DLGAP3: variants seen among roughly 807,000 people sequenced by gnomAD.
DLGAP3 encodes the protein DLG associated protein 3.
DLGAP3 carries 17 observed loss-of-function variants against 81.2 expected under a neutral mutation model. That is an observed-to-expected ratio of 0.21 (90% CI 0.14 to 0.31). The LOEUF (loss-of-function observed/expected upper bound fraction) is 0.31, where lower values mean the gene tolerates loss of function less well. Ranked by LOEUF, DLGAP3 falls within the 10% of genes least tolerant of loss-of-function variation. The pLI is 1.00. For synonymous variants in DLGAP3, 577 were observed against 587.4 expected (o/e 0.98, Z 0.26); for missense variants, 1,124 against 1,388.0 (o/e 0.81, Z 3.02).
chr1:34,885,888 G>A (rs1639218657), intron 6 of DLGAP3, 97 bp from the exon 7 acceptor site: 1 of 1,196,230 alleles, frequency 8.4e-7, no homozygotes, highest in East Asian at 2.6e-5. Context: ...AGGCCCTACG[G>A]GACCCTGCAG....
rs925342401 is a variant in DLGAP3, at chr1:34,904,212, G to C, written c.1107+65C>G. The C allele has an allele frequency of 1.9e-6, 3 of 1,587,604 alleles. No homozygotes were observed. The Admixed American group carries it at 5.0e-5, about 26-fold the overall frequency. ...TGGCTCCCACCCAACCCTTTCCACT[G>C]CTCCCTAGTTGACAAGACTGGTGAA... is the stretch of plus-strand genomic sequence containing the variant. On this transcript the variant is annotated intron_variant, in intron 3 of 11. Coordinates refer to ENST00000373347, the MANE Select transcript of DLGAP3 (RefSeq NM_001080418.3). This position sits in a 1 kb window ranked among gnomAD's most constrained non-coding sequence, Gnocchi z 8.1.
intron 5 of DLGAP3, among the ~76,000 whole-genome samples, chr1:34,887,015 C>T (rs576801063): frequency 7.9e-6 from 1 of 126,062 alleles, no homozygotes; most frequent in African/African-American, 3.1e-5. Context: ...AGTGCAGTGG[C>T]GCGATCTCGG....
rs1639006434 is a variant in DLGAP3, at chr1:34,873,329, T to G, written c.2001-4240A>C. Among the ~76,000 whole-genome samples the G allele has an allele frequency of 6.6e-6, 1 of 152,062 alleles. No individual in the cohort carries two copies. The highest frequency in any genetic ancestry group is 2.4e-5 in the African/African-American group (1 of 41,386). ...GGGGTGGTTATCTGCTGGAGATGTCTGGGGAGTAGGGGAAGGAATGAAAAT... is the reference window on the plus strand; with the variant it reads ...GGGGTGGTTATCTGCTGGAGATGTCGGGGGAGTAGGGGAAGGAATGAAAAT... On this transcript the variant is annotated intron_variant, in intron 8 of 11. Transcript: ENST00000373347. This position sits in a 1 kb window ranked among gnomAD's most constrained non-coding sequence, Gnocchi z 4.2.
rs1557485330 is a variant in DLGAP3, at chr1:34,900,703, C to T, written c.1108-430G>A. ...GTGGGGAGCCACAGAGGGCTTCATG[C>T]AGGGGAGTGACATCAGATTTGTGTT... On this transcript the variant is annotated intron_variant, in intron 3 of 11. Coordinates refer to ENST00000373347, the MANE Select transcript of DLGAP3 (RefSeq NM_001080418.3). This position sits in a 1 kb window ranked among gnomAD's most constrained non-coding sequence, Gnocchi z 5.6. 6.6e-6 allele frequency among the ~76,000 whole-genome samples: 1 copy of T among 152,214 alleles called. No individual in the cohort carries two copies. Among genetic ancestry groups the T allele is most frequent in the Non-Finnish European group, 1.5e-5 (1 of 68,048 alleles).
Position 34,929,388 on chromosome 1 carries a change from C to T in DLGAP3, c.-135+63G>A, listed in dbSNP as rs1639922240. The T allele has an allele frequency of 6.7e-6, 1 of 148,400 alleles. No individual in the cohort carries two copies. The highest frequency in any genetic ancestry group is 6.7e-5 in the Admixed American group (1 of 14,944). The allele number at this position is 148,400 out of a possible 1,614,324, so 9.2% of individuals were successfully genotyped here. ...CGCCGGGGCCGCAGCCGGGCCGTGC[C>T]TGGGGGGCGCTGCAGAGGGAGCCGC... On this transcript the variant is annotated intron_variant, in intron 1 of 11. Coordinates refer to ENST00000373347, the MANE Select transcript of DLGAP3 (RefSeq NM_001080418.3). The surrounding 1 kb of genome is among the most constrained non-coding windows in gnomAD (Gnocchi z 6.5).
chr1:34,869,387 T>C (rs913205808), intron 8 of DLGAP3, among the ~76,000 whole-genome samples: 3 of 150,498 alleles, frequency 2.0e-5, no homozygotes, highest in Non-Finnish European at 4.4e-5. Context: ...GCTGCAGCAG[T>C]GCCCTGGAGA....
At position 34,866,054 on chromosome 1, in the gene DLGAP3, C is replaced by CCCGGG; in HGVS notation, c.*24_*28dup. Reference sequence around the variant, plus strand: ...TACAGTACGGGTGGAGAACCGCGGGCCCGGGCCGGGCTGGGCGGGCCGGAC... The same window carrying CCCGGG: ...TACAGTACGGGTGGAGAACCGCGGGCCCGGGCCGGGCCGGGCTGGGCGGGCCGGAC... On this transcript the variant is annotated 3_prime_UTR_variant, in exon 12 of 12. Transcript: ENST00000373347. The CCCGGG allele has an allele frequency of 6.4e-7, 1 of 1,570,208 alleles. No individual in the cohort carries two copies. The highest frequency in any genetic ancestry group is 8.6e-7 in the Non-Finnish European group (1 of 1,160,528).
At chr1:34,899,520 C>T (rs2148409189) in intron 5 of DLGAP3, 149 bp downstream of exon 5, 2 of 768,354 alleles carry the variant, frequency 2.6e-6, no homozygotes, top group Non-Finnish European at 4.7e-6. Flanking sequence ...GAGTCAGCTC[C>T]AGGAGTCCTA....
intron 1 of DLGAP3, among the ~76,000 whole-genome samples, chr1:34,916,736 G>A (rs930062487): frequency 7.3e-5 from 11 of 150,384 alleles, no homozygotes; most frequent in Non-Finnish European, 1.0e-4. Flanking sequence ...TCGCTCTGTC[G>A]CCAGGCTGGA....
intron 1 of DLGAP3, among the ~76,000 whole-genome samples, chr1:34,913,223 C>CT (rs1369188576): frequency 1.3e-5 from 2 of 152,180 alleles, no homozygotes; most frequent in African/African-American, 4.8e-5. Context: ...TTCCTAGGGG[C>CT]TTAGGGCAGA....
chr1:34,872,849 T>C (rs1254078181), intron 8 of DLGAP3, among the ~76,000 whole-genome samples: 1 of 152,112 alleles, frequency 6.6e-6, no homozygotes, highest in African/African-American at 2.4e-5. Context: ...TCCCAGAGCC[T>C]CCCAGAGCCC....
At chr1:34,910,605 G>T (rs1033649028) in intron 1 of DLGAP3, among the ~76,000 whole-genome samples, 2 of 152,100 alleles carry the variant, frequency 1.3e-5, no homozygotes, top group African/African-American at 4.8e-5. Flanking sequence ...ACATCACGGG[G>T]CCTATTCCCC....
chr1:34,927,305 T>C (rs1007864345), intron 1 of DLGAP3, among the ~76,000 whole-genome samples: 3 of 152,178 alleles, frequency 2.0e-5, no homozygotes, highest in Non-Finnish European at 4.4e-5. Flanking sequence ...GATTGCAAAG[T>C]TCCTCGTCTA....
In DLGAP3 at chr1:34,885,571, C is replaced by T; in HGVS notation, c.1821G>A (p.Lys607=). ...TGGTCTTGATGATGAGTGTGGGGGG[C>T]TTGGGGCTGGCCCGGGGCGGCACCG... The part of the protein sequence containing the change: ...LAPVPPRASP[K]PPTLIIKTIP... The change falls in exon 7 of 12, where the codon AAG becomes AAA. Residue 607 remains lysine, a synonymous_variant. Transcript: ENST00000373347. 1 of 1,605,362 alleles carries T rather than the reference C, an allele frequency of 6.2e-7. No individual in the cohort carries two copies. Among genetic ancestry groups the T allele is most frequent in the South Asian group, 1.1e-5 (1 of 90,706 alleles).
chr1:34,927,573 C>G (rs59874150), intron 1 of DLGAP3, among the ~76,000 whole-genome samples: 23 of 152,210 alleles, frequency 1.5e-4, no homozygotes, highest in African/African-American at 5.3e-4. Context: ...TATGTGAGGC[C>G]GTTCATCCTA....
chr1:34,872,622 A>C (rs2148394545), intron 8 of DLGAP3, among the ~76,000 whole-genome samples: 1 of 152,342 alleles, frequency 6.6e-6, no homozygotes, highest in East Asian at 1.9e-4. Context: ...TACTAAGAAG[A>C]GGAGACTCTC....
intron 3 of DLGAP3, among the ~76,000 whole-genome samples, chr1:34,903,295 T>A (rs140866156): frequency 3.2e-3 from 488 of 152,320 alleles, no homozygotes; most frequent in African/African-American, 0.011. Context: ...CTCATCACAC[T>A]GTATTCTATC....
intron 8 of DLGAP3, among the ~76,000 whole-genome samples, chr1:34,875,954 C>A (rs543413677): frequency 6.6e-6 from 1 of 152,394 alleles, no homozygotes; most frequent in Non-Finnish European, 1.5e-5. Context: ...TCTACACTGT[C>A]ATGGCTCACA....
At chr1:34,927,971 T>C (rs985559391) in intron 1 of DLGAP3, among the ~76,000 whole-genome samples, 1 of 152,196 alleles carries the variant, frequency 6.6e-6, no homozygotes, top group Non-Finnish European at 1.5e-5. Context: ...CGGCATTATA[T>C]TTGGTTGAAC....
Sources: gnomAD v4.1 joint callset for allele counts (sites outside exome capture counted in the v4.1 genomes callset) on GRCh38, gnomAD v4.1.1 for gene constraint, Gnocchi (gnomAD v3.1) non-coding constraint, MANE v1.5 for transcripts, NCBI Gene and HGNC (gene_info 2026-07-23, HGNC 2026-07-21) for gene names.